The following SNX29 variants were observed in gnomAD, a reference collection of about 807,000 sequenced individuals.
SNX29 encodes the protein sorting nexin-29.
In SNX29, 78 loss-of-function variants were observed where a neutral mutation model predicts 102.1. That is an observed-to-expected ratio of 0.76 (90% CI 0.64 to 0.92). The LOEUF (loss-of-function observed/expected upper bound fraction) is 0.92, where lower values mean the gene tolerates loss of function less well. SNX29 is among the 40% of genes least tolerant of loss of function. The pLI is 0.00. For synonymous variants in SNX29, 580 were observed against 414.5 expected (o/e 1.40, Z -4.85); for missense variants, 1,280 against 1,061.7 (o/e 1.21, Z -2.86).
rs2079173845 is a variant in SNX29, at chr16:12,570,898, A to C, written c.*2269A>C. 1 of 228,822 alleles carries C rather than the reference A, an allele frequency of 4.4e-6. No individual in the cohort carries two copies. The highest frequency in any genetic ancestry group is 2.3e-5 in the African/African-American group (1 of 44,314). The allele number at this position is 228,822 out of a possible 1,614,324, so 14.2% of individuals were successfully genotyped here. A position where few individuals can be genotyped will look rare whatever the true frequency, so the allele number is the denominator to read the frequency against. On this transcript the variant is annotated 3_prime_UTR_variant, in exon 21 of 21. Coordinates refer to ENST00000566228, the MANE Select transcript of SNX29 (RefSeq NM_032167.5). ...TTATAATACTGAATTATTCACAAAA[A>C]ACCTGGTCTGCTCTCCAAAATGAGA...
At chr16:12,480,866 T>C (rs1440964608) in intron 19 of SNX29, among the ~76,000 whole-genome samples, 2 of 151,950 alleles carry the variant, frequency 1.3e-5, no homozygotes, top group Non-Finnish European at 2.9e-5. Flanking sequence ...TGGGAACTGT[T>C]TTGTTGTTGT....
At chr16:12,551,566 C>A (rs889153209) in intron 20 of SNX29, among the ~76,000 whole-genome samples, 1 of 152,170 alleles carries the variant, frequency 6.6e-6, no homozygotes, top group Non-Finnish European at 1.5e-5. Flanking sequence ...AGTTGAGAAG[C>A]CCTGCTTTCA....
rs369268930 is a variant in SNX29 at position 12,398,680 on chromosome 16, T to G, written c.1955+179T>G. The stretch of plus-strand genomic sequence containing the variant: ...CTACAGCCTCAGTCTCGCCCTCAGA[T>G]GTGTTTTTTCTCACCCTTGGGTATT... On this transcript the variant is annotated intron_variant, in intron 17 of 20. Coordinates refer to ENST00000566228, the MANE Select transcript of SNX29 (RefSeq NM_032167.5). Among the ~76,000 whole-genome samples the G allele has an allele frequency of 9.2e-5, 14 of 152,260 alleles. No individual in the cohort carries two copies. In the East Asian group the frequency reaches 2.3e-3, roughly 25 times the overall value.
At chr16:12,542,466 G>C (rs1055711878) in intron 20 of SNX29, among the ~76,000 whole-genome samples, 1 of 152,194 alleles carries the variant, frequency 6.6e-6, no homozygotes, top group South Asian at 2.1e-4. Flanking sequence ...CAAGTAGCTG[G>C]GATTACAGGG....
Position 12,552,490 on chromosome 16 carries a change from A to C in SNX29, c.2319-16016A>C, listed in dbSNP as rs559818506. Among the ~76,000 whole-genome samples, 19 of 152,322 alleles carry C rather than the reference A, an allele frequency of 1.2e-4. No homozygotes were observed. The South Asian group carries it at 3.9e-3, about 32-fold the overall frequency. ...CATCACCCAACGATTGGGCCTCAGG[A>C]ATCTTGCTCAAAAATAGCCTGCCAA... On this transcript the variant is annotated intron_variant, in intron 20 of 20. Transcript: ENST00000566228.
At chr16:12,493,467 C>A (rs2088653702) in intron 19 of SNX29, among the ~76,000 whole-genome samples, 2 of 152,230 alleles carry the variant, frequency 1.3e-5, no homozygotes, top group Non-Finnish European at 1.5e-5. Flanking sequence ...GATATACAAT[C>A]ATGTCATCTG....
At chr16:12,328,371 G>T (rs1026497300) in intron 15 of SNX29, among the ~76,000 whole-genome samples, 4 of 152,198 alleles carry the variant, frequency 2.6e-5, no homozygotes, top group African/African-American at 9.6e-5. Flanking sequence ...TATCTTAGAA[G>T]TAAAGAAAAT....
intron 14 of SNX29, among the ~76,000 whole-genome samples, chr16:12,236,385 A>G (rs2077933561): frequency 6.6e-6 from 1 of 152,098 alleles, no homozygotes; most frequent in Non-Finnish European, 1.5e-5. Context: ...TTGTACTTTC[A>G]TTTCTCGCTA....
At chr16:12,028,197 C>T (rs1261797853) in intron 4 of SNX29, among the ~76,000 whole-genome samples, 2 of 152,156 alleles carry the variant, frequency 1.3e-5, no homozygotes, top group Admixed American at 6.6e-5. Context: ...GTAAAATGTG[C>T]TGTCTTTGGC....
chr16:12,064,449 TG>T (rs2062625088), intron 9 of SNX29, among the ~76,000 whole-genome samples: 4 of 152,210 alleles, frequency 2.6e-5, no homozygotes, highest in Admixed American at 2.6e-4. Context: ...TTCTCACTGC[TG>T]ATGGGACCCG....
chr16:12,251,247 C>A (rs947344678), intron 14 of SNX29, among the ~76,000 whole-genome samples: 5 of 152,226 alleles, frequency 3.3e-5, no homozygotes, highest in African/African-American at 7.2e-5. Context: ...AAGAGCTTTT[C>A]TCAGCTTTAA....
intron 16 of SNX29, among the ~76,000 whole-genome samples, chr16:12,363,518 C>T (rs1597081381): frequency 2.0e-5 from 3 of 152,264 alleles, no homozygotes; most frequent in Middle Eastern, 3.4e-3. Flanking sequence ...GACCATAGTG[C>T]GAGGTTCTGT....
At chr16:12,510,494 G>A (rs1031673492) in intron 19 of SNX29, among the ~76,000 whole-genome samples, 4 of 152,074 alleles carry the variant, frequency 2.6e-5, no homozygotes, top group African/African-American at 9.7e-5. Flanking sequence ...CCAACATGGC[G>A]AAACCCTGTC....
At chr16:12,229,879 G>C (rs1049198183) in intron 14 of SNX29, among the ~76,000 whole-genome samples, 9 of 152,112 alleles carry the variant, frequency 5.9e-5, no homozygotes, top group Admixed American at 6.5e-5. Flanking sequence ...GGACTTACGA[G>C]ATAATTCAGA....
At chr16:12,170,111 C>T (rs867170611) in intron 13 of SNX29, among the ~76,000 whole-genome samples, 20 of 152,064 alleles carry the variant, frequency 1.3e-4, no homozygotes, top group Admixed American at 1.1e-3. Flanking sequence ...GAGTGCTCCT[C>T]CCTTCCCCGT....
At chr16:12,078,042 A>C in intron 10 of SNX29, among the ~76,000 whole-genome samples, 1 of 152,230 alleles carries the variant, frequency 6.6e-6, no homozygotes, top group Non-Finnish European at 1.5e-5. Context: ...AGCCAGCAGC[A>C]CTGTAAGCCA....
rs368813703 is a variant in SNX29 at position 12,572,830 on chromosome 16, G to C, written c.*4201G>C. 1.9e-6 allele frequency: 2 copies of C among 1,064,066 alleles called. No homozygotes were observed. The highest frequency in any genetic ancestry group is 3.3e-5 in the African/African-American group (2 of 61,114). The allele number at this position is 1,064,066 out of a possible 1,614,324, so 65.9% of individuals were successfully genotyped here. ...GACTGGTTAGGAGGCATCCCAGAAG[G>C]GGCAGCCTCATGCCCAGGTTTCAGC... On this transcript the variant is annotated 3_prime_UTR_variant, in exon 21 of 21. Transcript: ENST00000566228.
At chr16:12,184,147 C>G (rs2141854563) in intron 13 of SNX29, among the ~76,000 whole-genome samples, 1 of 152,310 alleles carries the variant, frequency 6.6e-6, no homozygotes, top group Non-Finnish European at 1.5e-5. Flanking sequence ...CTCTTGGGGT[C>G]TGGATCAGAA....
intron 20 of SNX29, among the ~76,000 whole-genome samples, chr16:12,534,062 G>C (rs1264523753): frequency 2.0e-5 from 3 of 152,256 alleles, no homozygotes; most frequent in African/African-American, 2.4e-5. Context: ...AAGCAGTGCA[G>C]AGTGAGGGCA....
Sources: allele counts gnomAD v4.1 joint callset (sites outside exome capture counted in the v4.1 genomes callset), GRCh38; gene constraint gnomAD v4.1.1; transcripts MANE v1.5; gene names NCBI Gene and HGNC (gene_info 2026-07-23, HGNC 2026-07-21).